The following FAAH variants were observed in gnomAD, a reference collection of about 807,000 sequenced individuals.
The protein encoded by FAAH is fatty acid amide hydrolase.
FAAH carries 63 observed loss-of-function variants against 69.7 expected under a neutral mutation model. The ratio of observed to expected loss-of-function variants is 0.90; its 90% CI spans 0.74 to 1.12. The LOEUF is 1.12. Among genes scored for constraint, FAAH ranks in the 50% most tolerant of loss-of-function variants. The pLI is 0.00. For synonymous variants in FAAH, 305 were observed against 324.2 expected, an observed-to-expected ratio of 0.94 and a Z score of 0.64; for missense variants, 680 against 755.0, an observed-to-expected ratio of 0.90 and a Z score of 1.16.
chr1:46,409,193 G>A lies in FAAH; in HGVS notation c.1170G>A (p.Gln390=), dbSNP rs777256242. ...LFSDGGHTFL[Q]NFKGDFVDPC... ...GTGATGGTGGCCACACCTTCCTACAGAACTTGTGAGTGATAGTGGGCTTTG... is the reference window on the plus strand; with the variant it reads ...GTGATGGTGGCCACACCTTCCTACAAAACTTGTGAGTGATAGTGGGCTTTG... The change falls in exon 9 of 15, where the codon CAG becomes CAA. Residue 390 remains glutamine, a synonymous_variant. Transcript: ENST00000243167. 1 of 1,612,928 alleles carries A rather than the reference G, an allele frequency of 6.2e-7. No homozygotes were observed. Among genetic ancestry groups the A allele is most frequent in the Non-Finnish European group, 8.5e-7 (1 of 1,179,090 alleles).
At chr1:46,396,985 C>T (rs1664608400) in intron 1 of FAAH, among the ~76,000 whole-genome samples, 2 of 152,180 alleles carry the variant, frequency 1.3e-5, no homozygotes, top group South Asian at 4.1e-4. Context: ...AAAAGTCCAC[C>T]ATCAGTCAGT....
intron 1 of FAAH, among the ~76,000 whole-genome samples, chr1:46,397,313 G>A (rs978409379): frequency 1.5e-4 from 23 of 152,198 alleles, no homozygotes; most frequent in African/African-American, 5.6e-4. Context: ...CCTGCACTTC[G>A]GCTCCAAACA....
Position 46,406,346 on chromosome 1 carries a change from C to T in FAAH, c.929C>T (p.Pro310Leu). ...ATGTTCCGCTTGGACCCCACTGTGC[C>T]TCCCTTGCCCTTCAGAGAAGAGGTG... ...EDMFRLDPTV[P>L]PLPFREEVYT... is the part of the protein sequence containing the mutation. Residue 310 changes from proline (P) to leucine (L), a missense_variant, in exon 7 of 15, where the codon CCT becomes CTT. By Grantham distance (98) the Pro-to-Leu change is moderately conservative (BLOSUM62 -3). Transcript: ENST00000243167. 1 of 1,614,116 alleles carries T rather than the reference C, an allele frequency of 6.2e-7. No homozygotes were observed. Among genetic ancestry groups the T allele is most frequent in the Non-Finnish European group, 8.5e-7 (1 of 1,180,046 alleles).
At chr1:46,402,939 C>T (rs1035298799) in intron 2 of FAAH, among the ~76,000 whole-genome samples, 2 of 152,042 alleles carry the variant, frequency 1.3e-5, no homozygotes, top group African/African-American at 2.4e-5. Flanking sequence ...GTGATCCACC[C>T]GCCTCGGTCT....
At chr1:46,399,125 T>A (rs1274686386) in intron 1 of FAAH, among the ~76,000 whole-genome samples, 1 of 152,172 alleles carries the variant, frequency 6.6e-6, no homozygotes, top group Non-Finnish European at 1.5e-5. Flanking sequence ...TGCAGTTTTG[T>A]TTTACCCTGA....
rs1368588462 is a variant in FAAH, at chr1:46,411,175, A to G, written c.1316+321A>G. 6.6e-6 allele frequency among the ~76,000 whole-genome samples: 1 copy of G among 152,174 alleles called. No individual in the cohort carries two copies. The highest frequency in any genetic ancestry group is 2.4e-5 in the African/African-American group (1 of 41,432). ...GGGCCAAGGGTGGGGCACCCGGGAG[A>G]GATGCCACTGTTAGAGATCTGAGCT... On this transcript the variant is annotated intron_variant, in intron 11 of 14. Coordinates refer to ENST00000243167, the MANE Select transcript of FAAH (RefSeq NM_001441.3). The surrounding 1 kb of genome is among the most constrained non-coding windows in gnomAD (Gnocchi z 4.8).
intron 7 of FAAH, among the ~76,000 whole-genome samples, chr1:46,406,897 C>T (rs1664809810): frequency 6.6e-6 from 1 of 152,048 alleles, no homozygotes; most frequent in Admixed American, 6.5e-5. Flanking sequence ...TGAGTTACCG[C>T]GCCGGCCGGA....
At position 46,409,132 on chromosome 1, in the gene FAAH, A is replaced by G. The variant is rs12094805; in HGVS notation, c.1109A>G (p.His370Arg). Reference protein sequence around the residue: ...LVPFLPSNIPHALETLSTGGL... With the variant: ...LVPFLPSNIPRALETLSTGGL... The stretch of plus-strand genomic sequence containing the variant: ...CCCTTCTTGCCAAGCAACATACCCC[A>G]TGCTCTGGAGACCCTGTCAACAGGT... The change falls in exon 9 of 15, where the codon CAT becomes CGT. Residue 370 changes from histidine to arginine, a missense_variant. By Grantham distance (29) the His-to-Arg change is conservative. Coordinates refer to ENST00000243167, the MANE Select transcript of FAAH (RefSeq NM_001441.3). The G allele has an allele frequency of 9.5e-5, 153 of 1,613,838 alleles. 2 individuals carry two copies. The African/African-American group carries it at 1.8e-3, about 19-fold the overall frequency.
chr1:46,397,651 TCCC>T (rs1664620329), intron 1 of FAAH, among the ~76,000 whole-genome samples: 1 of 152,150 alleles, frequency 6.6e-6, no homozygotes, highest in Non-Finnish European at 1.5e-5. Flanking sequence ...AACCTCTGCC[TCCC>T]AGGTTCAAGC....
intron 1 of FAAH, among the ~76,000 whole-genome samples, chr1:46,394,991 G>A (rs1200884921): frequency 6.6e-6 from 1 of 152,194 alleles, no homozygotes; most frequent in Non-Finnish European, 1.5e-5. Flanking sequence ...CCAGGCAAGA[G>A]TGCAGTGGTG....
In FAAH at chr1:46,411,692, G is replaced by A. The variant is rs762500476; in HGVS notation, c.1356+41G>A. 1 of 1,610,524 alleles carries A rather than the reference G, an allele frequency of 6.2e-7. No homozygotes were observed. Among genetic ancestry groups the A allele is most frequent in the Non-Finnish European group, 8.5e-7 (1 of 1,177,268 alleles). ...CTGGATTGGAGCAGGGTGGTGGGGG[G>A]AGGGTGGAGTTGGACAGGGTACCCG... On this transcript the variant is annotated intron_variant, in intron 12 of 14. Transcript: ENST00000243167. This position sits in a 1 kb window ranked among gnomAD's most constrained non-coding sequence, Gnocchi z 4.8.
Position 46,413,487 on chromosome 1 carries a change from G to A in FAAH, c.1652G>A (p.Cys551Tyr), listed in dbSNP as rs768829628. ...GTGGGGCTGCCGGTGGCCGTGCAGT[G>A]TGTGGCTCTGCCCTGGCAAGAAGAG... Reference protein sequence around the residue: ...KSVGLPVAVQCVALPWQEELC... With the variant: ...KSVGLPVAVQYVALPWQEELC... The change falls in exon 15 of 15, where the codon TGT (cysteine) becomes TAT (tyrosine). Residue 551 changes from cysteine (C) to tyrosine (Y), a missense_variant. Coordinates refer to ENST00000243167, the MANE Select transcript of FAAH (RefSeq NM_001441.3). 4 of 1,614,112 alleles carry A rather than the reference G, an allele frequency of 2.5e-6. No individual in the cohort carries two copies. The highest frequency in any genetic ancestry group is 2.2e-5 in the East Asian group (1 of 44,872).
Position 46,411,933 on chromosome 1 carries a change from T to C in FAAH, c.1357-210T>C, listed in dbSNP as rs75229929. On this transcript the variant is annotated intron_variant, in intron 12 of 14. Coordinates refer to ENST00000243167, the MANE Select transcript of FAAH (RefSeq NM_001441.3). The surrounding 1 kb of genome is among the most constrained non-coding windows in gnomAD (Gnocchi z 4.8). The stretch of plus-strand genomic sequence containing the variant: ...GTGGCTCCGCCTCAGCGGGAAGAGG[T>C]GTATCCACAATTCATTCTGGAGGCA... Among the ~76,000 whole-genome samples, 296 of 152,280 alleles carry C rather than the reference T, an allele frequency of 1.9e-3. 4 individuals are homozygous for C. The Middle Eastern group carries it at 0.037, about 19-fold the overall frequency.
Position 46,410,979 on chromosome 1 carries a change from G to T in FAAH, c.1316+125G>T, listed in dbSNP as rs1357337467. On this transcript the variant is annotated intron_variant, in intron 11 of 14. Transcript: ENST00000243167. The surrounding 1 kb of genome is among the most constrained non-coding windows in gnomAD (Gnocchi z 4.9). ...TCTGAGGCTGGAAGTGGCCCAGGCA[G>T]GGGGGCAACCTTTGTGGCCTTCAGA... 47 of 1,181,970 alleles carry T rather than the reference G, an allele frequency of 4.0e-5. 1 individual carries two copies. In the South Asian group the frequency reaches 4.9e-4, roughly 12 times the overall value. The allele number at this position is 1,181,970 out of a possible 1,614,324, so 73.2% of individuals were successfully genotyped here. A position where few individuals can be genotyped will look rare whatever the true frequency, so the allele number is the denominator to read the frequency against.
chr1:46,405,591 T>G lies in FAAH; in HGVS notation c.582T>G (p.Tyr194Ter). Residue 194 changes from tyrosine (Y) to a stop codon, truncating the protein, a stop_gained, in exon 5 of 15, where the codon TAT becomes TAG. Transcript: ENST00000243167. LOFTEE classifies it high-confidence loss of function. This position sits in a 1 kb window ranked among gnomAD's most constrained non-coding sequence, Gnocchi z 4.1. ...GACCCATTCTTGGCTCCTCCAGCTA[T>G]GACTGCAGTAACCCCCTCTTTGGCC... The part of the protein sequence containing the change: ...HTNVPQSMFS[Y>*]DCSNPLFGQT... 1.2e-6 allele frequency: 2 copies of G among 1,613,470 alleles called. No homozygotes were observed. Among genetic ancestry groups the G allele is most frequent in the South Asian group, 2.2e-5 (2 of 91,056 alleles).
chr1:46,412,829 A>C (rs1222197962), intron 13 of FAAH, among the ~76,000 whole-genome samples: 1 of 152,174 alleles, frequency 6.6e-6, no homozygotes, highest in East Asian at 1.9e-4. Flanking sequence ...AAAGGAAAAG[A>C]AAACAGGAAC....
intron 2 of FAAH, among the ~76,000 whole-genome samples, chr1:46,402,433 T>C (rs933398226): frequency 6.6e-6 from 1 of 152,250 alleles, no homozygotes; most frequent in South Asian, 2.1e-4. Context: ...GAGCATGCTG[T>C]CTTAGCTAGT....
At chr1:46,408,970 C>T in intron 8 of FAAH, 131 bp from the exon 9 acceptor site, 2 of 772,820 alleles carry the variant, frequency 2.6e-6, no homozygotes, top group Non-Finnish European at 4.6e-6. Context: ...GTAAGGCTGC[C>T]TTTGTAGCTC....
intron 5 of FAAH, 26 bp from the exon 6 acceptor site, chr1:46,406,012 T>C: frequency 6.2e-7 from 1 of 1,614,156 alleles, no homozygotes; most frequent in African/African-American, 1.3e-5. Context: ...ATTTCCTGTT[T>C]CCAGCATCTT....
Sources: gnomAD v4.1 joint callset for allele counts (sites outside exome capture counted in the v4.1 genomes callset) on GRCh38, gnomAD v4.1.1 for gene constraint, Gnocchi (gnomAD v3.1) non-coding constraint, MANE v1.5 for transcripts, NCBI Gene and HGNC (gene_info 2026-07-23, HGNC 2026-07-21) for gene names.